CTNNBIP1: variants seen among roughly 807,000 people sequenced by gnomAD.
The protein encoded by CTNNBIP1 is catenin beta interacting protein 1, also known as beta-catenin-interacting protein 1.
In CTNNBIP1, 7 loss-of-function variants were observed where a neutral mutation model predicts 11.8. The observed-to-expected ratio is 0.60, with a 90% confidence interval of 0.34 to 1.12. CTNNBIP1 has a LOEUF of 1.12. Among genes scored for constraint, CTNNBIP1 ranks in the 50% most tolerant of loss-of-function variants. CTNNBIP1 has a pLI of 0.03. For synonymous variants in CTNNBIP1, 58 were observed against 43.9 expected, an observed-to-expected ratio of 1.32 and a Z score of -1.26; for missense variants, 101 against 113.4, an observed-to-expected ratio of 0.89 and a Z score of 0.50.
rs913277985 is a variant in CTNNBIP1, at chr1:9,851,794, G to C, written c.188-1018C>G. ...TGGCCAGGACAGGCAGTGGCAGGAG[G>C]GCAAAGCTCGAAATGCTGACCTGCC... On this transcript the variant is annotated intron_variant, in intron 5 of 5. Transcript: ENST00000377263. This position sits in a 1 kb window ranked among gnomAD's most constrained non-coding sequence, Gnocchi z 4.8. Among the ~76,000 whole-genome samples the C allele has an allele frequency of 2.4e-4, 36 of 152,164 alleles. No individual in the cohort carries two copies. Among genetic ancestry groups the C allele is most frequent in the Admixed American group, 1.2e-3 (18 of 15,278 alleles).
rs926171674 is a variant in CTNNBIP1 at position 9,867,526 on chromosome 1, C to G, written c.187+3661G>C. ...AAGGTGGCGGCCAGACCCTCAGGACCAAGGTCGGGTGCTGTCCGTTGGAGG... is the reference window on the plus strand; with the variant it reads ...AAGGTGGCGGCCAGACCCTCAGGACGAAGGTCGGGTGCTGTCCGTTGGAGG... On this transcript the variant is annotated intron_variant, in intron 5 of 5. Coordinates refer to ENST00000377263, the MANE Select transcript of CTNNBIP1 (RefSeq NM_020248.3). The surrounding 1 kb of genome is among the most constrained non-coding windows in gnomAD (Gnocchi z 4.6). Among the ~76,000 whole-genome samples the G allele has an allele frequency of 1.3e-5, 2 of 152,192 alleles. No individual in the cohort carries two copies. The highest frequency in any genetic ancestry group is 4.8e-5 in the African/African-American group (2 of 41,442).
At chr1:9,897,939 C>T (rs559800304) in intron 1 of CTNNBIP1, among the ~76,000 whole-genome samples, 36 of 150,882 alleles carry the variant, frequency 2.4e-4, no homozygotes, top group African/African-American at 8.0e-4. Context: ...GCCAATAGGG[C>T]GAAACCCCGT....
chr1:9,886,707 G>A (rs755135251), intron 1 of CTNNBIP1, among the ~76,000 whole-genome samples: 69 of 152,284 alleles, frequency 4.5e-4, no homozygotes, highest in Admixed American at 1.3e-3. Context: ...CAGTATACAA[G>A]TACCTGGGTA....
At chr1:9,897,644 T>C (rs1272472183) in intron 1 of CTNNBIP1, among the ~76,000 whole-genome samples, 1 of 148,430 alleles carries the variant, frequency 6.7e-6, no homozygotes, top group Non-Finnish European at 1.5e-5. Flanking sequence ...AGAGCAAGAC[T>C]CCGTTTCAAA....
chr1:9,879,962 ATATT>A (rs957960285), intron 2 of CTNNBIP1, among the ~76,000 whole-genome samples: 32 of 152,264 alleles, frequency 2.1e-4, no homozygotes, highest in Middle Eastern at 3.4e-3. Context: ...CATTTTAAAA[ATATT>A]TATTTATTTT....
In CTNNBIP1 at chr1:9,851,520, A is replaced by G. The variant is rs6658583; in HGVS notation, c.188-744T>C. Among the ~76,000 whole-genome samples, 19,542 of 151,906 alleles carry G rather than the reference A, an allele frequency of 0.13. 3,510 individuals are homozygous for G. The highest frequency in any genetic ancestry group is 0.39 in the African/African-American group (16,173 of 41,362). ...TGAGTAGCTGGGATTACAGGTGTGC[A>G]TCACCACGCCCGGCTAATTTTTTTG... On this transcript the variant is annotated intron_variant, in intron 5 of 5. Coordinates refer to ENST00000377263, the MANE Select transcript of CTNNBIP1 (RefSeq NM_020248.3). This position sits in a 1 kb window ranked among gnomAD's most constrained non-coding sequence, Gnocchi z 4.8.
At chr1:9,859,440 C>T (rs1262700295) in intron 5 of CTNNBIP1, among the ~76,000 whole-genome samples, 1 of 152,228 alleles carries the variant, frequency 6.6e-6, no homozygotes, top group African/African-American at 2.4e-5. Flanking sequence ...CTCCCACCAG[C>T]ATGCTGGAAC....
chr1:9,891,949 G>A (rs545414025), intron 1 of CTNNBIP1, among the ~76,000 whole-genome samples: 2 of 152,096 alleles, frequency 1.3e-5, no homozygotes, highest in South Asian at 2.1e-4. Flanking sequence ...CTACAGGTGC[G>A]TGCCACCATG....
intron 5 of CTNNBIP1, among the ~76,000 whole-genome samples, chr1:9,852,561 T>A (rs1010128133): frequency 2.0e-5 from 3 of 152,300 alleles, no homozygotes; most frequent in African/African-American, 2.4e-5. Context: ...CCACGCAATA[T>A]CACTGCAGGC....
chr1:9,888,453 G>A (rs1035959626), intron 1 of CTNNBIP1, among the ~76,000 whole-genome samples: 5 of 152,004 alleles, frequency 3.3e-5, no homozygotes, highest in Admixed American at 2.6e-4. Flanking sequence ...GTGTGAGGCT[G>A]AGGCAGGAGA....
At chr1:9,878,591 A>G (rs1031976322) in intron 2 of CTNNBIP1, among the ~76,000 whole-genome samples, 1 of 151,910 alleles carries the variant, frequency 6.6e-6, no homozygotes, top group African/African-American at 2.4e-5. Flanking sequence ...CCCCCAATAC[A>G]CCTCTGGCAG....
At chr1:9,905,777 G>C (rs753093152) in intron 1 of CTNNBIP1, among the ~76,000 whole-genome samples, 2 of 151,882 alleles carry the variant, frequency 1.3e-5, no homozygotes, top group Non-Finnish European at 2.9e-5. Context: ...TTTACTATCT[G>C]TCTCTCCCAC....
intron 1 of CTNNBIP1, among the ~76,000 whole-genome samples, chr1:9,903,773 G>A (rs1639567483): frequency 6.6e-6 from 1 of 152,196 alleles, no homozygotes; most frequent in Non-Finnish European, 1.5e-5. Flanking sequence ...ACCCTTTGGA[G>A]CAGCCAGCAA....
chr1:9,897,157 A>G (rs907483480), intron 1 of CTNNBIP1, among the ~76,000 whole-genome samples: 77 of 151,662 alleles, frequency 5.1e-4, no homozygotes, highest in Admixed American at 3.9e-4. Context: ...AAAACAAACA[A>G]ACAAACAAAA....
In CTNNBIP1 at chr1:9,849,310, G is replaced by T; in HGVS notation, c.*1408C>A. Reference sequence around the variant, plus strand: ...GCCAGTCTGAAGGGACTTGCTTGGTGAAGGCCCAGCCAGCTGTCCCAGTGG... The same window carrying T: ...GCCAGTCTGAAGGGACTTGCTTGGTTAAGGCCCAGCCAGCTGTCCCAGTGG... On this transcript the variant is annotated 3_prime_UTR_variant, in exon 6 of 6. Coordinates refer to ENST00000377263, the MANE Select transcript of CTNNBIP1 (RefSeq NM_020248.3). The T allele has an allele frequency of 6.6e-6, 1 of 152,470 alleles. No homozygotes were observed. The highest frequency in any genetic ancestry group is 1.5e-5 in the Non-Finnish European group (1 of 68,108). The allele number at this position is 152,470 out of a possible 1,614,324, so 9.4% of individuals were successfully genotyped here.
In CTNNBIP1 at chr1:9,883,107, A is replaced by G. The variant is rs1207127811; in HGVS notation, c.-110+598T>C. Among the ~76,000 whole-genome samples the G allele has an allele frequency of 6.6e-6, 1 of 152,144 alleles. No homozygotes were observed. Among genetic ancestry groups the G allele is most frequent in the East Asian group, 1.9e-4 (1 of 5,176 alleles). ...CAGGAACAGCGGGTGCCTGGGTGGC[A>G]GCAGCGGGACGGCGCAGGAGGGTAG... On this transcript the variant is annotated intron_variant, in intron 2 of 5. Coordinates refer to ENST00000377263, the MANE Select transcript of CTNNBIP1 (RefSeq NM_020248.3). The surrounding 1 kb of genome is among the most constrained non-coding windows in gnomAD (Gnocchi z 5.6).
intron 5 of CTNNBIP1, among the ~76,000 whole-genome samples, chr1:9,856,675 G>A (rs147395651): frequency 0.017 from 2,550 of 151,546 alleles, 62 homozygotes; most frequent in African/African-American, 0.057. Flanking sequence ...CACCATGCCC[G>A]GCTAATTTTT....
rs1268478738 is a variant in CTNNBIP1, at chr1:9,872,394, T to C, written c.-24-306A>G. ...ACCTGGACTGCTGGTTGTTTCTACC[T>C]GTGAATCACCCCAGAGCAAAGCTCC... On this transcript the variant is annotated intron_variant, in intron 3 of 5. Transcript: ENST00000377263. This position sits in a 1 kb window ranked among gnomAD's most constrained non-coding sequence, Gnocchi z 4.0. 6.6e-6 allele frequency among the ~76,000 whole-genome samples: 1 copy of C among 152,222 alleles called. No individual in the cohort carries two copies. The highest frequency in any genetic ancestry group is 2.4e-5 in the African/African-American group (1 of 41,456).
chr1:9,903,738 G>C (rs551192699), intron 1 of CTNNBIP1, among the ~76,000 whole-genome samples: 1 of 152,188 alleles, frequency 6.6e-6, no homozygotes, highest in Non-Finnish European at 1.5e-5. Flanking sequence ...GGTCAGACAA[G>C]ACAGGGAAAG....
Sources: gnomAD v4.1 joint callset for allele counts (sites outside exome capture counted in the v4.1 genomes callset) on GRCh38, gnomAD v4.1.1 for gene constraint, Gnocchi (gnomAD v3.1) non-coding constraint, MANE v1.5 for transcripts, NCBI Gene and HGNC (gene_info 2026-07-23, HGNC 2026-07-21) for gene names.